The following GNAI2 variants were observed in gnomAD, a reference collection of about 807,000 sequenced individuals.
GNAI2 encodes the protein guanine nucleotide-binding protein G(i) subunit alpha-2.
In GNAI2, 4 loss-of-function variants were observed where a neutral mutation model predicts 36.8. The ratio of observed to expected loss-of-function variants is 0.11; its 90% CI spans 0.05 to 0.25. GNAI2 has a LOEUF of 0.25. Ranked by LOEUF, GNAI2 falls within the 10% of genes least tolerant of loss-of-function variation. The pLI is 1.00. For synonymous variants in GNAI2, 194 were observed against 194.1 expected (o/e 1.00, Z 0.01); for missense variants, 230 against 481.3 (o/e 0.48, Z 4.89).
chr3:50,246,195 G>A (rs1553701752), intron 1 of GNAI2, among the ~76,000 whole-genome samples: 1 of 152,248 alleles, frequency 6.6e-6, no homozygotes, highest in East Asian at 1.9e-4. Flanking sequence ...CCGTTGCCAT[G>A]GTTTCTGTGT....
chr3:50,236,577 C>T lies in GNAI2; in HGVS notation c.118+124C>T. 1.5e-6 allele frequency: 2 copies of T among 1,329,916 alleles called. No homozygotes were observed. Among genetic ancestry groups the T allele is most frequent in the Non-Finnish European group, 2.0e-6 (2 of 1,007,012 alleles). 82.4% of individuals were successfully genotyped at this position (1,329,916 alleles called of 1,614,324 possible). ...GGCTGTCTGGGACCCCACACCTGGG[C>T]CAGGACCAGGGTTGAAAACTCTAGA... On this transcript the variant is annotated intron_variant, in intron 1 of 8. Coordinates refer to ENST00000313601, the MANE Select transcript of GNAI2 (RefSeq NM_002070.4). This position sits in a 1 kb window ranked among gnomAD's most constrained non-coding sequence, Gnocchi z 4.0.
chr3:50,247,909 G>C (rs1553701930), intron 1 of GNAI2, among the ~76,000 whole-genome samples: 1 of 152,238 alleles, frequency 6.6e-6, no homozygotes, highest in East Asian at 1.9e-4. Flanking sequence ...ACCTTCTATT[G>C]CCTCAGTTCC....
At chr3:50,249,554 AG>A (rs143082995) in intron 1 of GNAI2, among the ~76,000 whole-genome samples, 110 of 152,270 alleles carry the variant, frequency 7.2e-4, no homozygotes, top group Non-Finnish European at 1.4e-3. Context: ...TGTAGTGCCC[AG>A]GGGCTAAAGC....
chr3:50,236,549 C>A lies in GNAI2; in HGVS notation c.118+96C>A. The A allele has an allele frequency of 6.8e-7, 1 of 1,466,946 alleles. No homozygotes were observed. Among genetic ancestry groups the A allele is most frequent in the Non-Finnish European group, 9.0e-7 (1 of 1,112,010 alleles). 90.9% of individuals were successfully genotyped at this position (1,466,946 alleles called of 1,614,324 possible). A position where few individuals can be genotyped will look rare whatever the true frequency, so the allele number is the denominator to read the frequency against. ...AGACTAGGGCTTCAAACTCCCAGAC[C>A]CGGGCTGTCTGGGACCCCACACCTG... On this transcript the variant is annotated intron_variant, in intron 1 of 8. Coordinates refer to ENST00000313601, the MANE Select transcript of GNAI2 (RefSeq NM_002070.4). The surrounding 1 kb of genome is among the most constrained non-coding windows in gnomAD (Gnocchi z 4.0).
chr3:50,241,474 G>A lies in GNAI2; in HGVS notation c.118+5021G>A, dbSNP rs1056845354. 3.9e-5 allele frequency among the ~76,000 whole-genome samples: 6 copies of A among 152,186 alleles called. No individual in the cohort carries two copies. The highest frequency in any genetic ancestry group is 5.9e-5 in the Non-Finnish European group (4 of 68,022). On this transcript the variant is annotated intron_variant, in intron 1 of 8. Transcript: ENST00000313601. This position sits in a 1 kb window ranked among gnomAD's most constrained non-coding sequence, Gnocchi z 5.0. Reference sequence around the variant, plus strand: ...GCTAGGCTCAGCCCCTGCCTCTCACGCCAGTGTCAGTGCAGCCAACATGAG... The same window carrying A: ...GCTAGGCTCAGCCCCTGCCTCTCACACCAGTGTCAGTGCAGCCAACATGAG...
chr3:50,246,388 G>T (rs1184667265), intron 1 of GNAI2, among the ~76,000 whole-genome samples: 1 of 152,222 alleles, frequency 6.6e-6, no homozygotes, highest in Non-Finnish European at 1.5e-5. Flanking sequence ...CGGGGCATGG[G>T]TCCCTAGGAC....
upstream of GNAI2, among the ~76,000 whole-genome samples, chr3:50,234,052 C>T (rs1028139244): frequency 6.7e-6 from 1 of 148,430 alleles, no homozygotes; most frequent in Non-Finnish European, 1.5e-5. Flanking sequence ...CGTGCCACCA[C>T]GCCCAGCTGA....
chr3:50,227,968 A>T (rs1700006413), upstream of GNAI2, among the ~76,000 whole-genome samples: 1 of 152,174 alleles, frequency 6.6e-6, no homozygotes, highest in South Asian at 2.1e-4. The surrounding 1 kb of genome is among the most constrained non-coding windows in gnomAD (Gnocchi z 5.9). Context: ...ATACGGGGAC[A>T]TTGGGAGCCC....
upstream of GNAI2, among the ~76,000 whole-genome samples, chr3:50,232,076 A>G (rs1700077518): frequency 6.6e-6 from 1 of 151,720 alleles, no homozygotes; most frequent in East Asian, 1.9e-4. Context: ...CACACCTGCA[A>G]TCCAGCACTT....
intron 1 of GNAI2, among the ~76,000 whole-genome samples, chr3:50,237,187 A>ACTTCCCT: frequency 6.6e-6 from 1 of 152,162 alleles, no homozygotes; most frequent in Non-Finnish European, 1.5e-5. Context: ...GGGCTGGGCT[A>ACTTCCCT]GGAGGCGGGA....
Position 50,241,276 on chromosome 3 carries a change from A to T in GNAI2, c.118+4823A>T, listed in dbSNP as rs1363949717. On this transcript the variant is annotated intron_variant, in intron 1 of 8. Coordinates refer to ENST00000313601, the MANE Select transcript of GNAI2 (RefSeq NM_002070.4). The surrounding 1 kb of genome is among the most constrained non-coding windows in gnomAD (Gnocchi z 5.0). ...TCCTTCACTGCTGGAGCTCATTAGC[A>T]CTTGAATGGGGGGCGGGGCGGCTTG... is the stretch of plus-strand genomic sequence containing the variant. 6.6e-6 allele frequency among the ~76,000 whole-genome samples: 1 copy of T among 152,144 alleles called. No individual in the cohort carries two copies. The highest frequency in any genetic ancestry group is 2.4e-5 in the African/African-American group (1 of 41,422).
chr3:50,227,185 G>C, upstream of GNAI2: 1 of 1,441,818 alleles, frequency 6.9e-7, no homozygotes, highest in Non-Finnish European at 9.1e-7. The surrounding 1 kb of genome is among the most constrained non-coding windows in gnomAD (Gnocchi z 5.9). Context: ...CACTGGGGAC[G>C]TTCTGAGGGT....
At chr3:50,232,295 G>A (rs587616579), upstream of GNAI2, among the ~76,000 whole-genome samples, 83 of 152,168 alleles carry the variant, frequency 5.5e-4, 1 homozygote, top group South Asian at 0.017. Context: ...ATGCCACTGC[G>A]CTCCAGCTTG....
chr3:50,229,498 C>T (rs1258388218), upstream of GNAI2: 1 of 152,332 alleles, frequency 6.6e-6, no homozygotes, highest in African/African-American at 2.4e-5. Flanking sequence ...GTGCCCCTAC[C>T]TCAGCATCCC....
In GNAI2 at chr3:50,242,903, G is replaced by C. The variant is rs587611126; in HGVS notation, c.118+6450G>C. Among the ~76,000 whole-genome samples, 2 of 152,326 alleles carry C rather than the reference G, an allele frequency of 1.3e-5. No individual in the cohort carries two copies. Among genetic ancestry groups the C allele is most frequent in the African/African-American group, 4.8e-5 (2 of 41,566 alleles). ...AAAGGAGGTGATGGCAGCACCTACT[G>C]TGTGTGCCCCCGGCGGGAGGAGGAG... On this transcript the variant is annotated intron_variant, in intron 1 of 8. Coordinates refer to ENST00000313601, the MANE Select transcript of GNAI2 (RefSeq NM_002070.4). The surrounding 1 kb of genome is among the most constrained non-coding windows in gnomAD (Gnocchi z 4.8).
At chr3:50,232,883 C>T (rs1553699937), upstream of GNAI2, among the ~76,000 whole-genome samples, 1 of 145,760 alleles carries the variant, frequency 6.9e-6, no homozygotes, top group Admixed American at 6.9e-5. Context: ...ATTGCTGTGG[C>T]TGGTGGGGGG....
intron 7 of GNAI2, 25 bp downstream of exon 7, chr3:50,257,115 C>T: frequency 6.2e-7 from 1 of 1,605,498 alleles, no homozygotes; most frequent in Non-Finnish European, 8.5e-7. Flanking sequence ...GGGATAGGGC[C>T]TCCAGAGGGT....
At chr3:50,234,737 C>G (rs587652215), upstream of GNAI2, among the ~76,000 whole-genome samples, 14 of 152,332 alleles carry the variant, frequency 9.2e-5, no homozygotes, top group African/African-American at 3.4e-4. Flanking sequence ...CTTCAGGGGC[C>G]TTCCCTTTGG....
chr3:50,252,653 C>T lies in GNAI2; in HGVS notation c.303+115C>T. ...TTGGGACGCCGAGGCGGGTGGATCA[C>T]CTGAGGTCAGGACCAGCCTGGCCAA... On this transcript the variant is annotated intron_variant, in intron 3 of 8. Transcript: ENST00000313601. This position sits in a 1 kb window ranked among gnomAD's most constrained non-coding sequence, Gnocchi z 4.1. 6 of 888,986 alleles carry T rather than the reference C, an allele frequency of 6.7e-6. No individual in the cohort carries two copies. Among genetic ancestry groups the T allele is most frequent in the Non-Finnish European group, 1.0e-5 (6 of 574,440 alleles). 55.1% of individuals were successfully genotyped at this position (888,986 alleles called of 1,614,324 possible).
Sources: gnomAD v4.1 joint callset for allele counts (sites outside exome capture counted in the v4.1 genomes callset) on GRCh38, gnomAD v4.1.1 for gene constraint, Gnocchi (gnomAD v3.1) non-coding constraint, MANE v1.5 for transcripts, NCBI Gene and HGNC (gene_info 2026-07-23, HGNC 2026-07-21) for gene names.